The following REV1 variants were observed in gnomAD, a reference collection of about 807,000 sequenced individuals.
REV1 encodes the protein REV1 DNA directed polymerase.
Under a neutral mutation model 137.4 loss-of-function variants are expected in REV1, and 42 were observed. That is an observed-to-expected ratio of 0.31 (90% CI 0.24 to 0.40). REV1 has a LOEUF of 0.40. Among genes scored for constraint, REV1 ranks in the 10% least tolerant of loss-of-function variants. The pLI, the probability that REV1 is intolerant of heterozygous loss-of-function variation, is 1.00. For missense variants in REV1, 1,282 were observed against 1,490.1 expected (o/e 0.86, Z 2.30); for synonymous variants, 524 against 519.2 (o/e 1.01, Z -0.12).
At chr2:99,446,788 C>A (rs566492271) in intron 4 of REV1, among the ~76,000 whole-genome samples, 1 of 152,208 alleles carries the variant, frequency 6.6e-6, no homozygotes, top group African/African-American at 2.4e-5. Context: ...CTATCGCACC[C>A]GGCCGGAAAA....
At chr2:99,473,945 G>A (rs1480759794) in intron 1 of REV1, among the ~76,000 whole-genome samples, 1 of 152,150 alleles carries the variant, frequency 6.6e-6, no homozygotes, top group Non-Finnish European at 1.5e-5. Context: ...AATCCTGCTA[G>A]GTGTTCCTTT....
chr2:99,468,244 A>G (rs1169028532), intron 1 of REV1, among the ~76,000 whole-genome samples: 2 of 152,046 alleles, frequency 1.3e-5, no homozygotes, highest in African/African-American at 4.8e-5. Flanking sequence ...GCTAATCAGC[A>G]GGGATCTTCG....
At chr2:99,412,181 C>G (rs558278484) in intron 13 of REV1, among the ~76,000 whole-genome samples, 8 of 146,778 alleles carry the variant, frequency 5.5e-5, no homozygotes, top group Non-Finnish European at 7.4e-5. Context: ...TGCAGTGAGC[C>G]GAGACTGCGC....
chr2:99,471,724 C>T (rs112647242), intron 1 of REV1, among the ~76,000 whole-genome samples: 30 of 151,640 alleles, frequency 2.0e-4, no homozygotes, highest in African/African-American at 4.8e-4. Flanking sequence ...AAACACACAA[C>T]GCCACTAAGA....
chr2:99,464,064 G>A (rs1004594800), intron 2 of REV1, among the ~76,000 whole-genome samples: 2 of 152,352 alleles, frequency 1.3e-5, no homozygotes, highest in South Asian at 4.1e-4. Flanking sequence ...GAATGCTCCA[G>A]TGGCTAAATT....
At chr2:99,405,736 A>C (rs1029945564) in intron 17 of REV1, 174 bp downstream of exon 17, 4 of 459,544 alleles carry the variant, frequency 8.7e-6, no homozygotes, top group Non-Finnish European at 1.5e-5. Context: ...CTCAACCCAA[A>C]TATTGCTTAT....
chr2:99,476,063 C>T (rs1166108160), intron 1 of REV1, among the ~76,000 whole-genome samples: 2 of 152,210 alleles, frequency 1.3e-5, no homozygotes, highest in African/African-American at 2.4e-5. Flanking sequence ...CAAACACATA[C>T]ATATTATGCA....
intron 3 of REV1, among the ~76,000 whole-genome samples, chr2:99,452,590 CTGTT>C (rs113086169): frequency 0.43 from 65,152 of 151,670 alleles, 14,190 homozygotes; most frequent in Admixed American, 0.58. Context: ...ATTACCATGT[CTGTT>C]TGTTTACTTG....
rs146839808 is a variant in REV1, at chr2:99,473,963, T to C, written c.-10-8978A>G. On this transcript the variant is annotated intron_variant, in intron 1 of 22. Coordinates refer to ENST00000258428, the MANE Select transcript of REV1 (RefSeq NM_016316.4). The stretch of plus-strand genomic sequence containing the variant: ...CCTGCTAGGTGTTCCTTTTCAAAAA[T>C]AGTTTTTCTTGCTCTATTTATAAAA... 1.1e-3 allele frequency among the ~76,000 whole-genome samples: 169 copies of C among 152,342 alleles called. 1 individual carries two copies. Among genetic ancestry groups the C allele is most frequent in the African/African-American group, 3.6e-3 (149 of 41,584 alleles).
At chr2:99,464,060 T>C (rs1169461287) in intron 2 of REV1, among the ~76,000 whole-genome samples, 2 of 152,218 alleles carry the variant, frequency 1.3e-5, no homozygotes, top group Non-Finnish European at 2.9e-5. Context: ...CAATGAATGC[T>C]CCAGTGGCTA....
At chr2:99,431,385 TA>T (rs913191106) in intron 8 of REV1, among the ~76,000 whole-genome samples, 1 of 152,162 alleles carries the variant, frequency 6.6e-6, no homozygotes, top group African/African-American at 2.4e-5. Context: ...TGGAGGGTTT[TA>T]AAAGGGTAAA....
chr2:99,464,780 C>T (rs1684613164), intron 2 of REV1, 142 bp downstream of exon 2: 2 of 738,838 alleles, frequency 2.7e-6, no homozygotes, highest in Admixed American at 2.4e-5. Flanking sequence ...CATCATAAGG[C>T]TTTCAATACA....
At chr2:99,418,183 AT>A (rs1312751273) in intron 12 of REV1, among the ~76,000 whole-genome samples, 1 of 140,508 alleles carries the variant, frequency 7.1e-6, no homozygotes, top group African/African-American at 2.6e-5. Flanking sequence ...AACTTTCACT[AT>A]AAATGAAGAT....
intron 12 of REV1, among the ~76,000 whole-genome samples, chr2:99,415,839 T>G (rs1377968092): frequency 6.6e-6 from 1 of 152,128 alleles, no homozygotes; most frequent in East Asian, 1.9e-4. Flanking sequence ...CATTGAAGAG[T>G]GCATGCGCAG....
chr2:99,418,342 C>T (rs1037957144), intron 12 of REV1, among the ~76,000 whole-genome samples: 1 of 152,062 alleles, frequency 6.6e-6, no homozygotes, highest in African/African-American at 2.4e-5. Flanking sequence ...AAAACACAAT[C>T]CTTCTTTACG....
intron 8 of REV1, among the ~76,000 whole-genome samples, chr2:99,433,953 G>A (rs1469385342): frequency 8.2e-6 from 1 of 122,478 alleles, no homozygotes; most frequent in Non-Finnish European, 1.8e-5. Flanking sequence ...TAAATTAAAA[G>A]TTCTACTGTT....
chr2:99,447,464 C>A (rs933132196), intron 4 of REV1, among the ~76,000 whole-genome samples: 4 of 152,162 alleles, frequency 2.6e-5, no homozygotes, highest in Non-Finnish European at 5.9e-5. Flanking sequence ...GCCACCGCGC[C>A]CAGCCAATAT....
chr2:99,437,087 C>T lies in REV1; in HGVS notation c.1214-1146G>A, dbSNP rs543246450. On this transcript the variant is annotated intron_variant, in intron 6 of 22. Transcript: ENST00000258428. Reference sequence around the variant, plus strand: ...CTCAACCCCTAGGGCTCAAACAATCCTCCCGCCTCAGCCTCCCAAGTAGCT... The same window carrying T: ...CTCAACCCCTAGGGCTCAAACAATCTTCCCGCCTCAGCCTCCCAAGTAGCT... Among the ~76,000 whole-genome samples the T allele has an allele frequency of 1.4e-4, 22 of 151,816 alleles. No individual in the cohort carries two copies. The East Asian group carries it at 2.5e-3, about 17-fold the overall frequency.
upstream of REV1, chr2:99,490,165 G>T (rs1687575948): frequency 6.6e-6 from 1 of 150,686 alleles, no homozygotes; most frequent in Non-Finnish European, 1.5e-5. Context: ...CTCGGGCGTA[G>T]CACCGCGGCG....
Sources: allele counts gnomAD v4.1 joint callset (sites outside exome capture counted in the v4.1 genomes callset), GRCh38; gene constraint gnomAD v4.1.1; transcripts MANE v1.5; gene names NCBI Gene and HGNC (gene_info 2026-07-23, HGNC 2026-07-21).